The following DNMT3B variants were observed in gnomAD, a reference collection of about 807,000 sequenced individuals.
DNMT3B encodes DNA (cytosine-5)-methyltransferase 3B.
A neutral mutation model predicts 120.2 loss-of-function variants in DNMT3B; 37 were observed. The observed-to-expected ratio is 0.31, with a 90% CI of 0.24 to 0.40. The LOEUF (loss-of-function observed/expected upper bound fraction) is 0.40, where lower values mean the gene tolerates loss of function less well. Among genes scored for constraint, DNMT3B ranks in the 10% least tolerant of loss-of-function variants. The pLI is 1.00. For missense variants in DNMT3B, 878 were observed against 1,137.3 expected, an observed-to-expected ratio of 0.77 and a Z score of 3.28; for synonymous variants, 412 against 442.8, an observed-to-expected ratio of 0.93 and a Z score of 0.87.
chr20:32,796,613 G>T (rs1242896768), intron 12 of DNMT3B, among the ~76,000 whole-genome samples, 177 bp from the exon 13 acceptor site: 2 of 152,136 alleles, frequency 1.3e-5, no homozygotes, highest in Non-Finnish European at 2.9e-5. Flanking sequence ...GTGAAGTAGG[G>T]ATGCCACCTG....
intron 1 of DNMT3B, chr20:32,779,776 T>G (rs1483961295): frequency 3.3e-5 from 13 of 399,200 alleles, no homozygotes; most frequent in Non-Finnish European, 5.2e-5. Context: ...GCGGGGCTTG[T>G]GCTGCCATGG....
At chr20:32,790,167 G>A (rs552413374) in intron 7 of DNMT3B, among the ~76,000 whole-genome samples, 1 of 152,304 alleles carries the variant, frequency 6.6e-6, no homozygotes, top group South Asian at 2.1e-4. Context: ...AATATATTGG[G>A]TGTGGAGTCT....
Position 32,797,699 on chromosome 20 carries a change from AC to A in DNMT3B, c.1490+403del, listed in dbSNP as rs564518054. ...TTTTGAGGTGGAGTCTTGCTCTGTCACCCAGGCTGGAATGCAGTGGCACAAT... is the reference window on the plus strand; with the variant it reads ...TTTTGAGGTGGAGTCTTGCTCTGTCACCAGGCTGGAATGCAGTGGCACAAT... On this transcript the variant is annotated intron_variant, in intron 14 of 22. Coordinates refer to ENST00000328111, the MANE Select transcript of DNMT3B (RefSeq NM_006892.4). Among the ~76,000 whole-genome samples the A allele has an allele frequency of 1.9e-3, 291 of 149,928 alleles. 1 individual carries two copies. The highest frequency in any genetic ancestry group is 6.8e-3 in the African/African-American group (274 of 40,432).
chr20:32,771,583 C>T (rs1393382511), intron 1 of DNMT3B, among the ~76,000 whole-genome samples: 1 of 139,612 alleles, frequency 7.2e-6, no homozygotes, highest in African/African-American at 2.7e-5. Context: ...TTACAGTGAC[C>T]CGAGATCATG....
chr20:32,789,121 C>A, intron 7 of DNMT3B, 109 bp downstream of exon 7: 1 of 1,482,824 alleles, frequency 6.7e-7, no homozygotes, highest in Non-Finnish European at 9.2e-7. Context: ...TGAGCCTATG[C>A]CTTCACACTG....
At chr20:32,777,754 T>C (rs903226710) in intron 1 of DNMT3B, among the ~76,000 whole-genome samples, 8 of 152,226 alleles carry the variant, frequency 5.3e-5, no homozygotes, top group African/African-American at 1.9e-4. Flanking sequence ...CCTGGGATTC[T>C]GACTGCTTTG....
chr20:32,765,965 G>A (rs1348262099), intron 1 of DNMT3B, among the ~76,000 whole-genome samples: 2 of 151,482 alleles, frequency 1.3e-5, no homozygotes, highest in Non-Finnish European at 2.9e-5. Flanking sequence ...CACCGTGTTC[G>A]CCAGGATGGT....
At chr20:32,788,719 A>AT in intron 6 of DNMT3B, 135 bp from the exon 7 acceptor site, 1 of 1,152,556 alleles carries the variant, frequency 8.7e-7, no homozygotes, top group South Asian at 1.4e-5. Context: ...AATTACAGGC[A>AT]TGAACCACGG....
rs1280793206 is a variant in DNMT3B at position 32,799,279 on chromosome 20, C to T, written c.1710C>T (p.Ala570=). The change falls in exon 16 of 23, where the codon GCC becomes GCT. Residue 570 remains alanine, a synonymous_variant. Coordinates refer to ENST00000328111, the MANE Select transcript of DNMT3B (RefSeq NM_006892.4). ...AGCTGTACCCTGCCATTCCCGCAGC[C>T]CGAAGGCGGCCCATTCGAGTCCTGT... The part of the protein sequence containing the change: ...APKLYPAIPA[A]RRRPIRVLSL... The T allele has an allele frequency of 1.9e-6, 3 of 1,613,536 alleles. No individual in the cohort carries two copies. Among genetic ancestry groups the T allele is most frequent in the Non-Finnish European group, 2.5e-6 (3 of 1,179,830 alleles).
intron 12 of DNMT3B, 47 bp downstream of exon 12, chr20:32,795,741 G>C (rs1354382805): frequency 6.2e-7 from 1 of 1,610,808 alleles, no homozygotes; most frequent in Non-Finnish European, 8.5e-7. Context: ...CCTGGCTAGG[G>C]CTCTAGGCCT....
chr20:32,806,499 G>A (rs1378571494), intron 22 of DNMT3B, among the ~76,000 whole-genome samples, 172 bp downstream of exon 22: 8 of 152,182 alleles, frequency 5.3e-5, no homozygotes, highest in Non-Finnish European at 1.2e-4. Flanking sequence ...CAAAAATGGC[G>A]GAGGGGGTGT....
At chr20:32,798,346 G>C (rs1039898434) in intron 14 of DNMT3B, 114 bp from the exon 15 acceptor site, 2 of 1,381,802 alleles carry the variant, frequency 1.4e-6, no homozygotes, top group Non-Finnish European at 2.0e-6. Flanking sequence ...TTAAGCAGCC[G>C]ATCCTAGGTA....
chr20:32,771,196 T>C (rs1987715620), intron 1 of DNMT3B, among the ~76,000 whole-genome samples: 1 of 152,244 alleles, frequency 6.6e-6, no homozygotes, highest in Non-Finnish European at 1.5e-5. Flanking sequence ...CTAAAAATGC[T>C]GTGCCTTTAT....
chr20:32,805,341 C>T lies in DNMT3B; in HGVS notation c.2235C>T (p.Pro745=), dbSNP rs776420118. 17 of 1,614,022 alleles carry T rather than the reference C, an allele frequency of 1.1e-5. No individual in the cohort carries two copies. Among genetic ancestry groups the T allele is most frequent in the African/African-American group, 4.0e-5 (3 of 74,908 alleles). The part of the protein sequence containing the change: ...FWGNLPGMNR[P]VIASKNDKLE... ...AATGGGTTTTGGCTGTTCCCAGGCC[C>T]GTGATAGCATCAAAGAATGATAAAC... Residue 745 remains proline (P), a synonymous_variant, in exon 21 of 23, where the codon CCC becomes CCT. Coordinates refer to ENST00000328111, the MANE Select transcript of DNMT3B (RefSeq NM_006892.4).
intron 1 of DNMT3B, among the ~76,000 whole-genome samples, chr20:32,770,392 G>A (rs1055611996): frequency 2.0e-5 from 3 of 152,032 alleles, no homozygotes; most frequent in South Asian, 2.1e-4. Context: ...AGGTTCAAGC[G>A]ATTCTCCTGC....
intron 1 of DNMT3B, among the ~76,000 whole-genome samples, chr20:32,764,774 AAGTCAT>A (rs1191530198): frequency 6.6e-6 from 1 of 152,200 alleles, no homozygotes; most frequent in East Asian, 1.9e-4. Flanking sequence ...CCTGCTCTTA[AAGTCAT>A]AGACATAACC....
intron 3 of DNMT3B, 28 bp downstream of exon 3, chr20:32,781,442 G>A (rs919773729): frequency 1.2e-6 from 2 of 1,613,578 alleles, no homozygotes; most frequent in Admixed American, 3.3e-5. Context: ...CCTTTTTCAG[G>A]GCTCAGGGAC....
intron 18 of DNMT3B, 73 bp from the exon 19 acceptor site, chr20:32,801,205 G>C: frequency 6.2e-7 from 1 of 1,608,660 alleles, no homozygotes; most frequent in Non-Finnish European, 8.5e-7. Context: ...GGAACCTGCT[G>C]GTCTCAGGGA....
At chr20:32,802,622 T>G in intron 20 of DNMT3B, 152 bp downstream of exon 20, 1 of 789,062 alleles carries the variant, frequency 1.3e-6, no homozygotes, top group South Asian at 1.5e-5. Context: ...GGTTGATCTC[T>G]GTTAAGATGT....
Sources: gnomAD v4.1 joint callset for allele counts (sites outside exome capture counted in the v4.1 genomes callset) on GRCh38, gnomAD v4.1.1 for gene constraint, MANE v1.5 for transcripts, NCBI Gene and HGNC (gene_info 2026-07-23, HGNC 2026-07-21) for gene names.